The following PNOC variants were observed in gnomAD, a reference collection of about 807,000 sequenced individuals.
PNOC encodes nociceptin.
PNOC carries 10 observed loss-of-function variants against 15.6 expected under a neutral mutation model. That is an observed-to-expected ratio of 0.64 (90% confidence interval 0.40 to 1.09). The LOEUF is 1.09. Among genes scored for constraint, PNOC ranks in the 50% least tolerant of loss-of-function variants. The pLI is 0.01. For missense variants in PNOC, 220 were observed against 223.9 expected (o/e 0.98, Z 0.11); for synonymous variants, 98 against 88.5 (o/e 1.11, Z -0.60).
chr8:28,339,241 G>A lies in PNOC; in HGVS notation c.328G>A (p.Glu110Lys), dbSNP rs887418978. 2.5e-5 allele frequency: 40 copies of A among 1,610,302 alleles called. No homozygotes were observed. The highest frequency in any genetic ancestry group is 3.1e-5 in the Non-Finnish European group (37 of 1,176,832). The change falls in exon 3 of 4, where the codon GAG becomes AAG. Residue 110 changes from glutamate (E) to lysine (K), a missense_variant. Transcript: ENST00000301908. ...CCGGAGCTTGTTCCAGGAGCAGGAA[G>A]AGCCCGAGCCTGGCATGGAGGAGGC... ...RVRSLFQEQE[E>K]PEPGMEEAGE...
chr8:28,338,817 G>A, intron 2 of PNOC: 1 of 1,160,932 alleles, frequency 8.6e-7, no homozygotes, highest in South Asian at 3.4e-5. Context: ...TCTGAGCCCT[G>A]GTTTCTTTGT....
At chr8:28,323,542 A>G (rs1801179516) in intron 1 of PNOC, among the ~76,000 whole-genome samples, 1 of 152,240 alleles carries the variant, frequency 6.6e-6, no homozygotes, top group African/African-American at 2.4e-5. Context: ...TTTCAGCATC[A>G]ATGTAACAAC....
At chr8:28,330,295 T>C (rs1801300078) in intron 2 of PNOC, among the ~76,000 whole-genome samples, 1 of 152,030 alleles carries the variant, frequency 6.6e-6, no homozygotes, top group Non-Finnish European at 1.5e-5. Context: ...TTTAGTATCC[T>C]GAAACCAATC....
chr8:28,337,230 G>T (rs1585839332), intron 2 of PNOC, among the ~76,000 whole-genome samples: 1 of 152,192 alleles, frequency 6.6e-6, no homozygotes, highest in South Asian at 2.1e-4. Flanking sequence ...AAAGTTGGAG[G>T]AAGAGGAAAA....
intron 2 of PNOC, among the ~76,000 whole-genome samples, chr8:28,332,384 C>G (rs993517741): frequency 6.6e-6 from 1 of 152,156 alleles, no homozygotes; most frequent in African/African-American, 2.4e-5. Context: ...CTGAGCTATT[C>G]CCAGGATCCT....
chr8:28,325,283 T>A (rs1260712788), intron 1 of PNOC, among the ~76,000 whole-genome samples: 1 of 130,888 alleles, frequency 7.6e-6, no homozygotes, highest in African/African-American at 2.5e-5. Flanking sequence ...CCAGAAGGGA[T>A]GATGCTAGAG....
intron 1 of PNOC, among the ~76,000 whole-genome samples, chr8:28,320,828 G>A (rs1801139292): frequency 6.7e-6 from 1 of 149,228 alleles, no homozygotes; most frequent in East Asian, 1.9e-4. Flanking sequence ...TCCTGCCTGG[G>A]TGACAGAGCG....
rs1563328680 is a variant in PNOC at position 28,330,398 on chromosome 8, T to TTA, written c.126+1116_126+1117insAT. 4.5e-4 allele frequency among the ~76,000 whole-genome samples: 45 copies of TTA among 100,688 alleles called. 1 individual carries two copies. The highest frequency in any genetic ancestry group is 1.3e-3 in the African/African-American group (39 of 29,446). The allele number at this position is 100,688 out of a possible 152,430, so 66.1% of individuals were successfully genotyped here. On this transcript the variant is annotated intron_variant, in intron 2 of 3. Transcript: ENST00000301908. Reference sequence around the variant, plus strand: ...TTTATTTTATTTTATTTTATTTTATTTTTTTTTTTTTTTTGAGACGGAGTC... The same window carrying TTA: ...TTTATTTTATTTTATTTTATTTTATTTATTTTTTTTTTTTTTGAGACGGAGTC...
intron 1 of PNOC, among the ~76,000 whole-genome samples, chr8:28,324,438 G>T (rs1585827484): frequency 6.6e-6 from 1 of 152,172 alleles, no homozygotes; most frequent in African/African-American, 2.4e-5. Flanking sequence ...GAAAGGAAAC[G>T]GCTCCTTTTC....
intron 1 of PNOC, among the ~76,000 whole-genome samples, chr8:28,323,847 G>A (rs904992756): frequency 5.3e-5 from 8 of 152,206 alleles, no homozygotes; most frequent in East Asian, 1.9e-4. Flanking sequence ...TCTCTATAAC[G>A]ATATTTACAT....
intron 1 of PNOC, among the ~76,000 whole-genome samples, chr8:28,318,026 C>G (rs1801086891): frequency 6.6e-6 from 1 of 152,172 alleles, no homozygotes; most frequent in Non-Finnish European, 1.5e-5. Flanking sequence ...TCTTCTCTTG[C>G]TTGGCATCCC....
At chr8:28,327,485 G>A (rs540603488) in intron 1 of PNOC, among the ~76,000 whole-genome samples, 3 of 152,298 alleles carry the variant, frequency 2.0e-5, no homozygotes, top group East Asian at 1.9e-4. Flanking sequence ...CCCTTTGCTC[G>A]GGAAGCCAAC....
At chr8:28,320,217 G>A (rs1801127587) in intron 1 of PNOC, among the ~76,000 whole-genome samples, 1 of 141,448 alleles carries the variant, frequency 7.1e-6, no homozygotes, top group Non-Finnish European at 1.5e-5. Flanking sequence ...GCCTCACCAT[G>A]CACCCCAGCT....
intron 1 of PNOC, among the ~76,000 whole-genome samples, chr8:28,324,427 G>A (rs973556719): frequency 1.3e-5 from 2 of 152,226 alleles, no homozygotes; most frequent in African/African-American, 2.4e-5. Context: ...ATATTAGGAA[G>A]GAAAGGAAAC....
chr8:28,342,174 G>A (rs565879965), intron 3 of PNOC, among the ~76,000 whole-genome samples: 6 of 152,108 alleles, frequency 3.9e-5, no homozygotes, highest in Admixed American at 1.3e-4. Flanking sequence ...GTGAAAACCC[G>A]TCTCTACTAA....
chr8:28,337,133 C>G (rs1470511024), intron 2 of PNOC, among the ~76,000 whole-genome samples: 1 of 152,196 alleles, frequency 6.6e-6, no homozygotes, highest in African/African-American at 2.4e-5. Context: ...TCGGCAGCTT[C>G]TAGCCCATGA....
At chr8:28,319,093 C>T (rs1278009448) in intron 1 of PNOC, among the ~76,000 whole-genome samples, 1 of 151,888 alleles carries the variant, frequency 6.6e-6, no homozygotes, top group Non-Finnish European at 1.5e-5. Context: ...GATTTAGGCG[C>T]TTTCACACCT....
chr8:28,326,238 G>A (rs1048530018), intron 1 of PNOC, among the ~76,000 whole-genome samples: 1 of 151,920 alleles, frequency 6.6e-6, no homozygotes, highest in African/African-American at 2.4e-5. Flanking sequence ...AATCCTCCCA[G>A]CTACTTGGGA....
chr8:28,332,353 C>G (rs1224007682), intron 2 of PNOC, among the ~76,000 whole-genome samples: 1 of 152,184 alleles, frequency 6.6e-6, no homozygotes, highest in Non-Finnish European at 1.5e-5. Flanking sequence ...TTCCCCAGTC[C>G]TTCCACCAAA....
Sources: gnomAD v4.1 joint callset for allele counts (sites outside exome capture counted in the v4.1 genomes callset) on GRCh38, gnomAD v4.1.1 for gene constraint, MANE v1.5 for transcripts, NCBI Gene and HGNC (gene_info 2026-07-23, HGNC 2026-07-21) for gene names.